The following MAP2K1 variants were observed in gnomAD, a reference collection of about 807,000 sequenced individuals.
MAP2K1 encodes the protein dual specificity mitogen-activated protein kinase kinase 1.
Under a neutral mutation model 46.3 loss-of-function variants are expected in MAP2K1, and 16 were observed. The observed-to-expected ratio is 0.35, with a 90% CI of 0.23 to 0.52. MAP2K1 has a LOEUF of 0.52. MAP2K1 is among the 20% of genes least tolerant of loss of function. MAP2K1 has a pLI of 0.94. For missense variants in MAP2K1, 263 were observed against 497.1 expected (o/e 0.53, Z 4.48); for synonymous variants, 183 against 185.6 (o/e 0.99, Z 0.11).
intron 5 of MAP2K1, among the ~76,000 whole-genome samples, chr15:66,459,864 G>A (rs1280491137): frequency 6.6e-6 from 1 of 152,126 alleles, no homozygotes; most frequent in Admixed American, 6.5e-5. Flanking sequence ...GTAATGATTT[G>A]AGTGGTTTCT....
At chr15:66,424,460 C>T (rs2093451925) in intron 1 of MAP2K1, among the ~76,000 whole-genome samples, 1 of 152,168 alleles carries the variant, frequency 6.6e-6, no homozygotes, top group African/African-American at 2.4e-5. Context: ...TTCTGTCATG[C>T]TGTTAGTTTG....
chr15:66,389,392 A>G (rs1232246386), intron 1 of MAP2K1, among the ~76,000 whole-genome samples: 1 of 152,152 alleles, frequency 6.6e-6, no homozygotes. Flanking sequence ...TGTAATCGTG[A>G]TACCACAACT....
chr15:66,484,940 CA>C, intron 6 of MAP2K1, 49 bp from the exon 7 acceptor site: 1 of 1,485,180 alleles, frequency 6.7e-7, no homozygotes, highest in South Asian at 1.1e-5. Flanking sequence ...TTAGCAGACC[CA>C]GGGGTCCAAG....
chr15:66,387,414 A>G lies in MAP2K1; in HGVS notation c.67A>G (p.Thr23Ala). ...PAPDGSAVNG[T>A]SSAETNLEAL... The stretch of plus-strand genomic sequence containing the variant: ...CCCCGACGGCTCTGCAGTTAACGGG[A>G]CCAGCTCTGCGGAGTAAGTATGGGG... Residue 23 changes from threonine to alanine, a missense_variant, in exon 1 of 11, where the codon ACC (threonine) becomes GCC (alanine). Thr to Ala is a moderately conservative substitution (Grantham distance 58). This residue lies in a region of MAP2K1 where 31 missense variants were observed against 29.9 expected (regional missense o/e 1.04). Transcript: ENST00000307102. The G allele has an allele frequency of 6.4e-7, 1 of 1,559,906 alleles. No homozygotes were observed. The highest frequency in any genetic ancestry group is 8.7e-7 in the Non-Finnish European group (1 of 1,151,226).
intron 5 of MAP2K1, among the ~76,000 whole-genome samples, chr15:66,446,257 G>A (rs538932678): frequency 2.0e-5 from 3 of 151,760 alleles, no homozygotes; most frequent in East Asian, 1.9e-4. Flanking sequence ...TGGCTAACAC[G>A]ATGAAACCCT....
At chr15:66,452,396 A>G (rs1892054584) in intron 5 of MAP2K1, among the ~76,000 whole-genome samples, 1 of 152,046 alleles carries the variant, frequency 6.6e-6, no homozygotes, top group Non-Finnish European at 1.5e-5. Flanking sequence ...AGTATCAATA[A>G]GAGGTAGTGA....
At chr15:66,427,657 C>T (rs1208325790) in intron 1 of MAP2K1, among the ~76,000 whole-genome samples, 1 of 151,998 alleles carries the variant, frequency 6.6e-6, no homozygotes, top group Non-Finnish European at 1.5e-5. Flanking sequence ...CCTGACAACC[C>T]CAAGATGTGT....
At chr15:66,478,312 A>G (rs1391658618) in intron 5 of MAP2K1, among the ~76,000 whole-genome samples, 3 of 146,220 alleles carry the variant, frequency 2.1e-5, no homozygotes, top group Non-Finnish European at 3.0e-5. Flanking sequence ...GTATATATAT[A>G]GTATATATAT....
At chr15:66,419,540 A>G (rs1037568022) in intron 1 of MAP2K1, among the ~76,000 whole-genome samples, 1 of 152,022 alleles carries the variant, frequency 6.6e-6, no homozygotes, top group African/African-American at 2.4e-5. Flanking sequence ...AAAATTTCAT[A>G]TGCGGCTAAT....
At chr15:66,427,765 C>T (rs1486997299) in intron 1 of MAP2K1, among the ~76,000 whole-genome samples, 1 of 151,974 alleles carries the variant, frequency 6.6e-6, no homozygotes. Context: ...CCTGTAATCC[C>T]AGCACTTTGG....
At chr15:66,476,979 A>G (rs1433159788) in intron 5 of MAP2K1, among the ~76,000 whole-genome samples, 4 of 152,192 alleles carry the variant, frequency 2.6e-5, no homozygotes, top group Non-Finnish European at 2.9e-5. Context: ...CTCCAGCAGC[A>G]TGCTCTGGGG....
chr15:66,460,321 T>G (rs1567017746), intron 5 of MAP2K1, among the ~76,000 whole-genome samples: 1 of 152,196 alleles, frequency 6.6e-6, no homozygotes, highest in Non-Finnish European at 1.5e-5. Flanking sequence ...CTTAGCTCCT[T>G]AAGAGAGGCT....
chr15:66,479,444 C>A (rs549606391), intron 5 of MAP2K1, among the ~76,000 whole-genome samples: 2 of 152,240 alleles, frequency 1.3e-5, no homozygotes, highest in South Asian at 2.1e-4. Context: ...GAACTAGGTG[C>A]CCTCTAAGGC....
chr15:66,462,222 C>T (rs531811163), intron 5 of MAP2K1, among the ~76,000 whole-genome samples: 12 of 152,114 alleles, frequency 7.9e-5, no homozygotes, highest in South Asian at 2.1e-4. Flanking sequence ...AAGATTGGGG[C>T]GGGGCACAGT....
chr15:66,426,918 A>T (rs895519324), intron 1 of MAP2K1, among the ~76,000 whole-genome samples: 9 of 152,220 alleles, frequency 5.9e-5, no homozygotes, highest in South Asian at 2.1e-4. Context: ...CTGCAAGCAT[A>T]GTGGTTAGCT....
intron 5 of MAP2K1, among the ~76,000 whole-genome samples, chr15:66,459,407 A>G (rs1196053548): frequency 6.6e-6 from 1 of 151,994 alleles, no homozygotes; most frequent in Non-Finnish European, 1.5e-5. Flanking sequence ...ACTTGAGGTC[A>G]GGAGTTCGAA....
At chr15:66,390,079 T>C (rs1356160360) in intron 1 of MAP2K1, among the ~76,000 whole-genome samples, 1 of 152,214 alleles carries the variant, frequency 6.6e-6, no homozygotes, top group Admixed American at 6.5e-5. Flanking sequence ...TCATTCATGG[T>C]GGTAGATTAT....
intron 1 of MAP2K1, among the ~76,000 whole-genome samples, chr15:66,420,985 A>G (rs1042121648): frequency 1.3e-4 from 17 of 133,184 alleles, no homozygotes; most frequent in Non-Finnish European, 2.3e-4. Flanking sequence ...ACATACACAC[A>G]CATACATACA....
chr15:66,449,127 G>A (rs1236757109), intron 5 of MAP2K1, among the ~76,000 whole-genome samples: 2 of 151,820 alleles, frequency 1.3e-5, no homozygotes, highest in African/African-American at 4.8e-5. Flanking sequence ...GCACTCCTTG[G>A]CATTTACCTA....
Sources: gnomAD v4.1 joint callset for allele counts (sites outside exome capture counted in the v4.1 genomes callset) on GRCh38, gnomAD v4.1.1 for gene constraint, gnomAD v4.1.1 regional missense constraint, MANE v1.5 for transcripts, NCBI Gene and HGNC (gene_info 2026-07-23, HGNC 2026-07-21) for gene names.